Variants in MYO9A observed in about 807,000 individuals in gnomAD.
The protein encoded by MYO9A is myosin IXA.
In MYO9A, 103 loss-of-function variants were observed where a neutral mutation model predicts 293.3. That is an observed-to-expected ratio of 0.35 (90% CI 0.30 to 0.41). MYO9A has a LOEUF of 0.41. Ranked by LOEUF, MYO9A falls within the 10% of genes least tolerant of loss-of-function variation. MYO9A has a pLI of 1.00. For missense variants in MYO9A, 2,685 were observed against 3,033.0 expected (o/e 0.89, Z 2.69); for synonymous variants, 1,001 against 1,035.7 (o/e 0.97, Z 0.64).
intron 1 of MYO9A, among the ~76,000 whole-genome samples, chr15:72,047,916 G>A (rs1386458828): frequency 6.6e-6 from 1 of 151,236 alleles, no homozygotes; most frequent in Non-Finnish European, 1.5e-5. Context: ...GACTACAGGT[G>A]TGCGCCACCT....
At chr15:71,947,027 G>A (rs529312646) in intron 15 of MYO9A, among the ~76,000 whole-genome samples, 1 of 152,280 alleles carries the variant, frequency 6.6e-6, no homozygotes, top group African/African-American at 2.4e-5. Context: ...TGGGGTGGGA[G>A]GATCACTTGA....
intron 1 of MYO9A, among the ~76,000 whole-genome samples, chr15:72,067,581 T>C (rs2957751): frequency 0.94 from 143,211 of 152,268 alleles, 67,671 homozygotes; most frequent in South Asian, 0.99. Context: ...ATGCCCAGCC[T>C]CCAATATTTA....
Position 71,916,504 on chromosome 15 carries a change from GAAA to G in MYO9A, c.2563-15_2563-13del. 1 of 1,585,182 alleles carries G rather than the reference GAAA, an allele frequency of 6.3e-7. No individual in the cohort carries two copies. The highest frequency in any genetic ancestry group is 1.2e-5 in the South Asian group (1 of 85,398). ...ACTTCTAGCAAGTGCTGAAAGAAGAGAAAAAATAAATTGCTCACATAAATTAAT... is the reference window on the plus strand; with the variant it reads ...ACTTCTAGCAAGTGCTGAAAGAAGAGAAATAAATTGCTCACATAAATTAAT... On this transcript the variant is annotated splice_polypyrimidine_tract_variant and intron_variant, in intron 18 of 41. Transcript: ENST00000356056.
chr15:72,034,789 A>ATG (rs1393295047), intron 2 of MYO9A, among the ~76,000 whole-genome samples: 17 of 152,222 alleles, frequency 1.1e-4, no homozygotes, highest in Admixed American at 1.1e-3. Flanking sequence ...CGAAATATGG[A>ATG]TGTGTGATGT....
chr15:71,986,120 T>C (rs1257626621), intron 11 of MYO9A, among the ~76,000 whole-genome samples: 1 of 152,136 alleles, frequency 6.6e-6, no homozygotes, highest in Non-Finnish European at 1.5e-5. Context: ...CAAAAATATT[T>C]AGAGAAAAAA....
chr15:72,006,164 G>A (rs1027682919), intron 8 of MYO9A, among the ~76,000 whole-genome samples: 1 of 152,044 alleles, frequency 6.6e-6, no homozygotes, highest in Non-Finnish European at 1.5e-5. Flanking sequence ...TGCAACCTCC[G>A]CCTCTGGGGT....
intron 18 of MYO9A, among the ~76,000 whole-genome samples, chr15:71,926,127 T>C (rs1285266872): frequency 1.3e-5 from 2 of 152,058 alleles, no homozygotes; most frequent in African/African-American, 4.8e-5. Flanking sequence ...GTGTAATTTC[T>C]TTACCTGTAG....
intron 22 of MYO9A, among the ~76,000 whole-genome samples, chr15:71,901,760 T>C (rs2057492187): frequency 1.3e-5 from 2 of 152,128 alleles, no homozygotes; most frequent in Non-Finnish European, 2.9e-5. Context: ...GAGATTATGA[T>C]ACATTAGTCC....
At chr15:72,096,437 T>C (rs2080066850) in intron 1 of MYO9A, among the ~76,000 whole-genome samples, 1 of 152,224 alleles carries the variant, frequency 6.6e-6, no homozygotes, top group Non-Finnish European at 1.5e-5. Flanking sequence ...CAGTAAGGTT[T>C]ACTGAATGTT....
At chr15:72,065,899 A>G (rs1055806908) in intron 1 of MYO9A, among the ~76,000 whole-genome samples, 4 of 152,242 alleles carry the variant, frequency 2.6e-5, no homozygotes, top group Non-Finnish European at 4.4e-5. Context: ...TTATCCTTAC[A>G]TGCATTGAAG....
intron 39 of MYO9A, among the ~76,000 whole-genome samples, chr15:71,840,191 T>C (rs777017316): frequency 8.5e-5 from 13 of 152,240 alleles, no homozygotes; most frequent in Non-Finnish European, 1.6e-4. Context: ...GAGGGGACCC[T>C]GGAAACAATA....
intron 15 of MYO9A, among the ~76,000 whole-genome samples, chr15:71,939,989 G>T (rs572914589): frequency 3.6e-4 from 55 of 152,316 alleles, no homozygotes; most frequent in African/African-American, 1.3e-3. Flanking sequence ...CCAGCACTTT[G>T]GGAGGCCAAG....
At chr15:71,846,040 T>C (rs970213585) in intron 39 of MYO9A, among the ~76,000 whole-genome samples, 1 of 152,190 alleles carries the variant, frequency 6.6e-6, no homozygotes, top group African/African-American at 2.4e-5. Flanking sequence ...CAAACAAATA[T>C]GAGAATTTTG....
intron 19 of MYO9A, among the ~76,000 whole-genome samples, chr15:71,908,554 C>T (rs2057739963): frequency 6.6e-6 from 1 of 152,154 alleles, no homozygotes; most frequent in African/African-American, 2.4e-5. Flanking sequence ...TATTACTGGC[C>T]TTCTGTTTGT....
chr15:71,880,236 A>C (rs2056831842), intron 29 of MYO9A, 99 bp downstream of exon 29: 1 of 1,004,494 alleles, frequency 1.0e-6, no homozygotes, highest in Non-Finnish European at 1.5e-6. Flanking sequence ...AAAGCATGGA[A>C]GCATATGTAA....
chr15:71,897,052 C>T (rs758937679), intron 25 of MYO9A: 12 of 165,070 alleles, frequency 7.3e-5, no homozygotes, highest in Admixed American at 1.7e-4. Flanking sequence ...GTATAATGAA[C>T]GTAATGATGA....
intron 39 of MYO9A, among the ~76,000 whole-genome samples, chr15:71,843,927 T>G (rs1170687632): frequency 6.6e-6 from 1 of 152,252 alleles, no homozygotes; most frequent in African/African-American, 2.4e-5. Context: ...TCTGAGACTT[T>G]GTGAGTCCTG....
intron 19 of MYO9A, among the ~76,000 whole-genome samples, chr15:71,908,910 C>T (rs556495070): frequency 2.6e-5 from 4 of 152,144 alleles, no homozygotes; most frequent in Non-Finnish European, 4.4e-5. Flanking sequence ...GCTCTGCCTA[C>T]TCATCCTCCC....
At position 71,859,730 on chromosome 15, in the gene MYO9A, C is replaced by T. The variant is rs746444130; in HGVS notation, c.6153+5G>A. 2 of 1,608,890 alleles carry T rather than the reference C, an allele frequency of 1.2e-6. No homozygotes were observed. Among genetic ancestry groups the T allele is most frequent in the Non-Finnish European group, 1.7e-6 (2 of 1,175,870 alleles). ...ATCTATTACTGATAGGTGATAATTT[C>T]TTACCTTTTTAGAGCACTTGGCTGT... On this transcript the variant is annotated splice_donor_5th_base_variant and intron_variant, in intron 34 of 41. Transcript: ENST00000356056.
Sources: gnomAD v4.1 joint callset for allele counts (sites outside exome capture counted in the v4.1 genomes callset) on GRCh38, gnomAD v4.1.1 for gene constraint, MANE v1.5 for transcripts, NCBI Gene and HGNC (gene_info 2026-07-23, HGNC 2026-07-21) for gene names.